The following PDE7A variants were observed in gnomAD, a reference collection of about 807,000 sequenced individuals.
The protein encoded by PDE7A is high affinity 3',5'-cyclic-AMP phosphodiesterase 7A.
A neutral mutation model predicts 64.3 loss-of-function variants in PDE7A; 39 were observed. The ratio of observed to expected loss-of-function variants is 0.61; its 90% CI spans 0.47 to 0.79. PDE7A has a LOEUF of 0.79. Among genes scored for constraint, PDE7A ranks in the 30% least tolerant of loss-of-function variants. The pLI is 0.00. For missense variants in PDE7A, 470 were observed against 582.8 expected, an observed-to-expected ratio of 0.81 and a Z score of 1.99; for synonymous variants, 203 against 206.8, an observed-to-expected ratio of 0.98 and a Z score of 0.16.
chr8:65,766,778 C>A (rs943314209), intron 3 of PDE7A, among the ~76,000 whole-genome samples: 1 of 152,130 alleles, frequency 6.6e-6, no homozygotes, highest in African/African-American at 2.4e-5. Flanking sequence ...AACAGGTTAA[C>A]GTTAGCTGAA....
chr8:65,836,683 T>C (rs1045328100), intron 1 of PDE7A, among the ~76,000 whole-genome samples: 6 of 152,214 alleles, frequency 3.9e-5, no homozygotes, highest in African/African-American at 7.2e-5. Flanking sequence ...CTCTAGTTTA[T>C]TGACAATACC....
At chr8:65,827,750 G>T (rs2128933760) in intron 1 of PDE7A, among the ~76,000 whole-genome samples, 1 of 152,282 alleles carries the variant, frequency 6.6e-6, no homozygotes, top group South Asian at 2.1e-4. Flanking sequence ...CAGGTTTGCA[G>T]CCTAGAAGCA....
rs945996478 is a variant in PDE7A at position 65,840,961 on chromosome 8, C to T, written c.138+410G>A. Among the ~76,000 whole-genome samples the T allele has an allele frequency of 2.0e-5, 3 of 152,336 alleles. No individual in the cohort carries two copies. The East Asian group carries it at 5.8e-4, about 29-fold the overall frequency. ...GAGCTGGGGGAGGAGAGGCGCGAAC[C>T]CCGTACAGTTGTGTGTATGGGAAGG... is the stretch of plus-strand genomic sequence containing the variant. On this transcript the variant is annotated intron_variant, in intron 1 of 12. Coordinates refer to ENST00000401827, the MANE Select transcript of PDE7A (RefSeq NM_001242318.3).
In PDE7A at chr8:65,841,435, C is replaced by T; in HGVS notation, c.74G>A (p.Gly25Glu). Reference protein sequence around the residue: ...PVPQHVLSRRGAISFSSSSAL... With the variant: ...PVPQHVLSRREAISFSSSSAL... ...GGAGCTGGAGCTGAAGCTGATGGCT[C>T]CTCGGCGGCTGAGGACGTGCTGGGG... The change falls in exon 1 of 13, where the codon GGA becomes GAA. Residue 25 changes from glycine to glutamate, a missense_variant. Transcript: ENST00000401827. The T allele has an allele frequency of 2.6e-6, 4 of 1,564,212 alleles. No individual in the cohort carries two copies. Among genetic ancestry groups the T allele is most frequent in the Non-Finnish European group, 3.4e-6 (4 of 1,160,214 alleles).
chr8:65,738,163 G>C (rs968858207), intron 6 of PDE7A, among the ~76,000 whole-genome samples: 3 of 151,640 alleles, frequency 2.0e-5, no homozygotes, highest in Non-Finnish European at 4.4e-5. Flanking sequence ...AAAAAAAAAC[G>C]ATGTATACAC....
chr8:65,715,714 G>A lies in PDE7A; in HGVS notation c.*3576C>T, dbSNP rs1433328543. 2.3e-4 allele frequency among the ~76,000 whole-genome samples: 33 copies of A among 145,554 alleles called. No individual in the cohort carries two copies. The highest frequency in any genetic ancestry group is 6.7e-4 in the African/African-American group (27 of 40,034). ...CTTAAAAAATTAGCTGGCCGGGCAC[G>A]GTGGCTCACGCCTGTAATCCCAGCA... On this transcript the variant is annotated 3_prime_UTR_variant, in exon 13 of 13. Transcript: ENST00000401827.
intron 3 of PDE7A, among the ~76,000 whole-genome samples, chr8:65,754,659 T>C (rs1471331215): frequency 2.0e-5 from 3 of 150,798 alleles, no homozygotes; most frequent in African/African-American, 7.3e-5. Flanking sequence ...ATATGCCTTG[T>C]TTTTTGTTCT....
chr8:65,727,324 T>C, intron 7 of PDE7A, 23 bp from the exon 8 acceptor site: 1 of 1,612,368 alleles, frequency 6.2e-7, no homozygotes, highest in Non-Finnish European at 8.5e-7. Flanking sequence ...AAAAGAATAA[T>C]GAATCACAGA....
At chr8:65,815,521 C>G (rs1052413478) in intron 1 of PDE7A, among the ~76,000 whole-genome samples, 1 of 152,076 alleles carries the variant, frequency 6.6e-6, no homozygotes, top group East Asian at 1.9e-4. Context: ...TCTGTGCTCA[C>G]TGAAGCAACT....
chr8:65,825,454 G>C (rs184741973), intron 1 of PDE7A, among the ~76,000 whole-genome samples: 13 of 152,276 alleles, frequency 8.5e-5, no homozygotes, highest in South Asian at 4.1e-4. Flanking sequence ...TAGTTAGAGA[G>C]AGATCTAAGT....
At chr8:65,791,364 G>A (rs941549006) in intron 1 of PDE7A, among the ~76,000 whole-genome samples, 4 of 152,114 alleles carry the variant, frequency 2.6e-5, no homozygotes, top group Admixed American at 6.5e-5. Context: ...ATCTATAAAC[G>A]AACAGCTAGC....
At position 65,748,735 on chromosome 8, in the gene PDE7A, C is replaced by T. The variant is rs142494011; in HGVS notation, c.284-932G>A. Among the ~76,000 whole-genome samples, 9 of 152,252 alleles carry T rather than the reference C, an allele frequency of 5.9e-5. No homozygotes were observed. The East Asian group carries it at 1.5e-3, about 26-fold the overall frequency. On this transcript the variant is annotated intron_variant, in intron 3 of 12. Transcript: ENST00000401827. ...TCCAGTCACTCACTCCTCTATTAAC[C>T]TCTAGCCCTGTGTTTCCTTATGTGT...
rs77264620 is a variant in PDE7A, at chr8:65,814,584, G to T, written c.138+26787C>A. On this transcript the variant is annotated intron_variant, in intron 1 of 12. Coordinates refer to ENST00000401827, the MANE Select transcript of PDE7A (RefSeq NM_001242318.3). ...TAATACGTACACATATAATACATAC[G>T]AAGATGTCTATCTTTATATGTGAAC... 7.8e-3 allele frequency among the ~76,000 whole-genome samples: 1,156 copies of T among 148,522 alleles called. 10 individuals are homozygous for T. Among genetic ancestry groups the T allele is most frequent in the African/African-American group, 0.026 (1,044 of 40,394 alleles).
In PDE7A at chr8:65,714,334, T is replaced by C. The variant is rs1348130799; in HGVS notation, c.*4956A>G. On this transcript the variant is annotated 3_prime_UTR_variant, in exon 13 of 13. Transcript: ENST00000401827. ...AAAAAGGGAACACATTAATTCCAAA[T>C]TAATTTGTTCAACAAACGTTTATTA... The C allele has an allele frequency of 6.6e-6, 1 of 151,930 alleles. No homozygotes were observed. The highest frequency in any genetic ancestry group is 1.5e-5 in the Non-Finnish European group (1 of 68,010). 9.4% of individuals were successfully genotyped at this position (151,930 alleles called of 1,614,324 possible).
intron 5 of PDE7A, among the ~76,000 whole-genome samples, chr8:65,744,957 C>T (rs1807604322): frequency 6.6e-6 from 1 of 152,166 alleles, no homozygotes; most frequent in African/African-American, 2.4e-5. Context: ...CCAGCCAAAT[C>T]TCACCTTGAA....
At chr8:65,753,886 C>CT (rs1243607879) in intron 3 of PDE7A, among the ~76,000 whole-genome samples, 2 of 151,908 alleles carry the variant, frequency 1.3e-5, no homozygotes, top group South Asian at 2.1e-4. Flanking sequence ...ATCTCATAAC[C>CT]TTTTTTTTCA....
chr8:65,787,060 A>G (rs1203334092), intron 1 of PDE7A, among the ~76,000 whole-genome samples: 1 of 152,248 alleles, frequency 6.6e-6, no homozygotes, highest in East Asian at 1.9e-4. Context: ...CATAACTTTT[A>G]AAGACAGACA....
At chr8:65,840,429 C>CA (rs1811054005) in intron 1 of PDE7A, among the ~76,000 whole-genome samples, 1 of 147,642 alleles carries the variant, frequency 6.8e-6, no homozygotes, top group Non-Finnish European at 1.5e-5. Context: ...CACACACACA[C>CA]ACCTTGCTCA....
intron 3 of PDE7A, among the ~76,000 whole-genome samples, chr8:65,763,617 C>T (rs558962834): frequency 6.6e-6 from 1 of 152,208 alleles, no homozygotes; most frequent in African/African-American, 2.4e-5. Flanking sequence ...CATATTTTTA[C>T]TCTTCAGAGC....
Sources: allele counts gnomAD v4.1 joint callset (sites outside exome capture counted in the v4.1 genomes callset), GRCh38; gene constraint gnomAD v4.1.1; transcripts MANE v1.5; gene names NCBI Gene and HGNC (gene_info 2026-07-23, HGNC 2026-07-21).